The following ZNF846 variants were observed in gnomAD, a reference collection of about 807,000 sequenced individuals.
ZNF846 encodes zinc finger protein 420 pseudogene.
A neutral mutation model predicts 16.0 loss-of-function variants in ZNF846; 15 were observed. The observed-to-expected ratio is 0.94, with a 90% CI of 0.63 to 1.45. ZNF846 has a LOEUF of 1.45. Ranked by LOEUF, ZNF846 falls within the 40% of genes most tolerant of loss-of-function variation. The probability of loss-of-function intolerance (pLI) is 0.00; values close to 1 mark genes in which losing one functional copy is unlikely to be tolerated. For synonymous variants in ZNF846, 229 were observed against 212.0 expected (o/e 1.08, Z -0.70); for missense variants, 714 against 622.3 (o/e 1.15, Z -1.57).
chr19:9,771,814 G>C (rs1278271204), upstream of ZNF846, among the ~76,000 whole-genome samples: 1 of 151,866 alleles, frequency 6.6e-6, no homozygotes, highest in African/African-American at 2.4e-5. Flanking sequence ...CTGCTGCCAG[G>C]CTGGAGTGCA....
Position 9,758,429 on chromosome 19 carries a change from AT to A in ZNF846, c.647del (p.His216LeufsTer2). 1 of 1,613,000 alleles carries A rather than the reference AT, an allele frequency of 6.2e-7. No individual in the cohort carries two copies. The highest frequency in any genetic ancestry group is 8.5e-7 in the Non-Finnish European group (1 of 1,179,928). Reference sequence around the variant, plus strand: ...GTTTGTCTCCATTGTGAGATCTTATATGTAACTTAAGGGATGACTGATTAAG... The same window carrying A: ...GTTTGTCTCCATTGTGAGATCTTATAGTAACTTAAGGGATGACTGATTAAG... On this transcript the variant is annotated frameshift_variant, in exon 6 of 6. Coordinates refer to ENST00000397902, the Ensembl canonical transcript of ZNF846. LOFTEE classifies it low-confidence loss of function (END_TRUNC).
chr19:9,757,220 T>C (rs1382894515), downstream of ZNF846, among the ~76,000 whole-genome samples: 1 of 150,454 alleles, frequency 6.6e-6, no homozygotes, highest in Non-Finnish European at 1.5e-5. Context: ...AAATAAACAA[T>C]AGTGGAAGAA....
At chr19:9,751,665 G>A (rs549612413), downstream of ZNF846, among the ~76,000 whole-genome samples, 17 of 151,402 alleles carry the variant, frequency 1.1e-4, no homozygotes, top group Middle Eastern at 3.4e-3. Context: ...CATCCTCCCC[G>A]CCCTTGTGAA....
upstream of ZNF846, among the ~76,000 whole-genome samples, chr19:9,769,448 C>G (rs1024338375): frequency 6.6e-6 from 1 of 151,976 alleles, no homozygotes; most frequent in African/African-American, 2.4e-5. Context: ...CCAGGCTGAT[C>G]TGGAACTCCT....
exon 2 of ZNF846, chr19:9,764,947 C>T: frequency 6.2e-7 from 1 of 1,614,172 alleles, no homozygotes; most frequent in Non-Finnish European, 8.5e-7. Flanking sequence ...TGAGAAGAAT[C>T]CATCAGTAAT....
chr19:9,782,903 A>T (rs927884951), intron 1 of ZNF846, among the ~76,000 whole-genome samples: 2 of 150,514 alleles, frequency 1.3e-5, no homozygotes, highest in Non-Finnish European at 2.9e-5. Context: ...AGCACTCCAT[A>T]CATAACACTA....
chr19:9,757,394 G>A (rs1331781383), downstream of ZNF846: 17 of 1,149,780 alleles, frequency 1.5e-5, no homozygotes, highest in Non-Finnish European at 2.0e-5. Flanking sequence ...GAAATTCAGT[G>A]AAGGTTGTTC....
At chr19:9,773,019 C>T (rs143872758), upstream of ZNF846, among the ~76,000 whole-genome samples, 221 of 152,186 alleles carry the variant, frequency 1.5e-3, no homozygotes, top group African/African-American at 5.2e-3. Flanking sequence ...ACCGACCATG[C>T]CCCTGCACTC....
In ZNF846 at chr19:9,759,439, CA is replaced by C. The variant is rs1007161875; in HGVS notation, c.312+420del. On this transcript the variant is annotated intron_variant, in intron 5 of 5. Transcript: ENST00000397902. ...ACAAAATGGTGAAACCCCATCTCTACAAAAAAAAAAATAATCAGCCAGGCAT... is the reference window on the plus strand; with the variant it reads ...ACAAAATGGTGAAACCCCATCTCTACAAAAAAAAAATAATCAGCCAGGCAT... Among the ~76,000 whole-genome samples, 92 of 143,224 alleles carry C rather than the reference CA, an allele frequency of 6.4e-4. 5 individuals are homozygous for C. The highest frequency in any genetic ancestry group is 1.3e-3 in the African/African-American group (52 of 38,762). The allele number at this position is 143,224 out of a possible 152,430, so 94.0% of individuals were successfully genotyped here.
intron 5 of ZNF846, 123 bp downstream of exon 5, chr19:9,759,737 G>A: frequency 1.6e-6 from 1 of 644,182 alleles, no homozygotes; most frequent in South Asian, 2.1e-5. Flanking sequence ...CCATATTCAT[G>A]ATATTCAGAG....
chr19:9,782,661 A>C (rs1285392415), intron 1 of ZNF846, among the ~76,000 whole-genome samples: 4 of 152,210 alleles, frequency 2.6e-5, no homozygotes, highest in African/African-American at 7.2e-5. Flanking sequence ...AAGAAAGCCA[A>C]CTAAATTTAG....
At chr19:9,770,685 T>A (rs552660021), upstream of ZNF846, among the ~76,000 whole-genome samples, 16 of 151,870 alleles carry the variant, frequency 1.1e-4, no homozygotes, top group Non-Finnish European at 2.2e-4. Context: ...CTGGCCAACA[T>A]GGTGAAACAC....
upstream of ZNF846, among the ~76,000 whole-genome samples, chr19:9,771,978 G>C (rs1423049688): frequency 6.6e-6 from 1 of 151,938 alleles, no homozygotes; most frequent in Non-Finnish European, 1.5e-5. Context: ...GTGTTGGTCA[G>C]GATGGTCTCG....
At chr19:9,771,628 G>A (rs1013135024), upstream of ZNF846, among the ~76,000 whole-genome samples, 2 of 152,048 alleles carry the variant, frequency 1.3e-5, no homozygotes, top group African/African-American at 4.8e-5. Flanking sequence ...TGACTTTCTT[G>A]CTTTTTATAG....
At position 9,776,755 on chromosome 19, in the gene ZNF846, G is replaced by C. The variant is rs572576370; in HGVS notation, c.-86+9183C>G. 5.3e-5 allele frequency among the ~76,000 whole-genome samples: 8 copies of C among 152,254 alleles called. No homozygotes were observed. The East Asian group carries it at 1.5e-3, about 29-fold the overall frequency. On this transcript the variant is annotated intron_variant, in intron 1 of 4. Coordinates refer to the ZNF846 transcript ENST00000586814. ...ACAGGGAGAAGCCCACCGACCCTGT[G>C]GGGCTGGTCCCTGCAGTCCCTCATA...
At chr19:9,758,394 C>A (rs1239000669) in exon 6 of ZNF846, 3 of 1,613,204 alleles carry the variant, frequency 1.9e-6, no homozygotes, top group East Asian at 2.2e-5. Context: ...ACATTCCTTA[C>A]ATACATAGTG....
chr19:9,759,724 T>C (rs1053693741), intron 5 of ZNF846, 136 bp downstream of exon 5: 2 of 609,976 alleles, frequency 3.3e-6, no homozygotes, highest in African/African-American at 3.8e-5. Context: ...TTTAGAGTGC[T>C]TCCCATATTC....
rs536781909 is a variant in ZNF846, at chr19:9,776,145, G to A, written c.-86+9793C>T. 3.1e-3 allele frequency among the ~76,000 whole-genome samples: 469 copies of A among 152,294 alleles called. 3 individuals carry two copies. The highest frequency in any genetic ancestry group is 8.5e-3 in the Admixed American group (130 of 15,296). On this transcript the variant is annotated intron_variant, in intron 1 of 4. Transcript: ENST00000586814. ...AGGTGGACCATGGTCTAGCGGTAGC[G>A]AAAACTGTCAAGGAACAACACCCGC... is the stretch of plus-strand genomic sequence containing the variant.
intron 4 of ZNF846, among the ~76,000 whole-genome samples, chr19:9,760,963 G>A (rs898846147): frequency 1.1e-4 from 17 of 151,354 alleles, no homozygotes; most frequent in Middle Eastern, 3.2e-3. Flanking sequence ...TTTGGGAGAC[G>A]GAGGCAGGTG....
Sources: gnomAD v4.1 joint callset for allele counts (sites outside exome capture counted in the v4.1 genomes callset) on GRCh38, gnomAD v4.1.1 for gene constraint, MANE v1.5 for transcripts, NCBI Gene and HGNC (gene_info 2026-07-23, HGNC 2026-07-21) for gene names.